Variants in TPH2 observed in about 807,000 individuals in gnomAD.
TPH2 encodes tryptophan 5-hydroxylase 2.
Under a neutral mutation model 59.1 loss-of-function variants are expected in TPH2, and 27 were observed. The observed-to-expected ratio is 0.46, with a 90% CI of 0.34 to 0.63. The LOEUF (loss-of-function observed/expected upper bound fraction) is 0.63, where lower values mean the gene tolerates loss of function less well. Among genes scored for constraint, TPH2 ranks in the 30% least tolerant of loss-of-function variants. The pLI is 0.01. For missense variants in TPH2, 523 were observed against 588.3 expected (o/e 0.89, Z 1.15); for synonymous variants, 220 against 210.5 (o/e 1.05, Z -0.39).
chr12:72,029,264 C>T (rs1873653379), intron 9 of TPH2, among the ~76,000 whole-genome samples: 2 of 152,154 alleles, frequency 1.3e-5, no homozygotes, highest in Non-Finnish European at 2.9e-5. Context: ...GTTCTTACAG[C>T]CTATTCTGCT....
chr12:71,938,928 CGCTGCTACTGCCCCTCTAGTACCCCCT>C lies in TPH2; in HGVS notation c.-53_-27del. On this transcript the variant is annotated 5_prime_UTR_variant, in exon 1 of 11. Transcript: ENST00000333850. ...GCCCCTTCCTCTCAATCTCCGCCAG[CGCTGCTACTGCCCCTCTAGTACCCCCT>C]GCTGCAGAGAAAGAATATTACACCG... is the stretch of plus-strand genomic sequence containing the variant. 5 of 1,422,484 alleles carry C rather than the reference CGCTGCTACTGCCCCTCTAGTACCCCCT, an allele frequency of 3.5e-6. No individual in the cohort carries two copies. The highest frequency in any genetic ancestry group is 5.0e-6 in the Non-Finnish European group (5 of 1,007,880). 88.1% of individuals were successfully genotyped at this position (1,422,484 alleles called of 1,614,324 possible).
intron 8 of TPH2, among the ~76,000 whole-genome samples, chr12:72,014,408 T>TC (rs1873184052): frequency 6.6e-6 from 1 of 150,910 alleles, no homozygotes; most frequent in Non-Finnish European, 1.5e-5. Flanking sequence ...TTTTTTTTTT[T>TC]GAGAAGGAGT....
rs142438135 is a variant in TPH2 at position 72,021,688 on chromosome 12, T to C, written c.1069-711T>C. Among the ~76,000 whole-genome samples the C allele has an allele frequency of 1.3e-4, 20 of 152,270 alleles. No homozygotes were observed. In the East Asian group the frequency reaches 3.9e-3, roughly 29 times the overall value. Reference sequence around the variant, plus strand: ...AACACATTTTCAACTTAGGATATTATTTTCAACTTATTGGGTTTATTGAAA... The same window carrying C: ...AACACATTTTCAACTTAGGATATTACTTTCAACTTATTGGGTTTATTGAAA... On this transcript the variant is annotated intron_variant, in intron 8 of 10. Coordinates refer to ENST00000333850, the MANE Select transcript of TPH2 (RefSeq NM_173353.4).
At position 72,031,730 on chromosome 12, in the gene TPH2, T is replaced by A; in HGVS notation, c.*35T>A. 1 of 1,612,688 alleles carries A rather than the reference T, an allele frequency of 6.2e-7. No individual in the cohort carries two copies. The highest frequency in any genetic ancestry group is 8.5e-7 in the Non-Finnish European group (1 of 1,178,908). On this transcript the variant is annotated 3_prime_UTR_variant, in exon 11 of 11. Transcript: ENST00000333850. Reference sequence around the variant, plus strand: ...CTATGTTGTTGCCAGCATGATCTTTTTGGGGCTTAGCAGCAGTTCAGTCAA... The same window carrying A: ...CTATGTTGTTGCCAGCATGATCTTTATGGGGCTTAGCAGCAGTTCAGTCAA...
At chr12:71,954,065 CA>C (rs1251684208) in intron 5 of TPH2, among the ~76,000 whole-genome samples, 3 of 152,126 alleles carry the variant, frequency 2.0e-5, no homozygotes, top group East Asian at 1.9e-4. Context: ...AAGGATAAAT[CA>C]GGGGGGAAGA....
chr12:71,978,764 A>G (rs1872190143), intron 6 of TPH2, among the ~76,000 whole-genome samples, 188 bp from the exon 7 acceptor site: 1 of 152,104 alleles, frequency 6.6e-6, no homozygotes, highest in Admixed American at 6.5e-5. Flanking sequence ...GTCATTTGAG[A>G]GTGATTTTAG....
chr12:71,977,784 A>G lies in TPH2; in HGVS notation c.806-1168A>G, dbSNP rs531824276. Reference sequence around the variant, plus strand: ...CATTGTATGTGTGTATCAAAACATAAAGTTATACACCTTAAATATATACAA... The same window carrying G: ...CATTGTATGTGTGTATCAAAACATAGAGTTATACACCTTAAATATATACAA... On this transcript the variant is annotated intron_variant, in intron 6 of 10. Coordinates refer to ENST00000333850, the MANE Select transcript of TPH2 (RefSeq NM_173353.4). Among the ~76,000 whole-genome samples the G allele has an allele frequency of 3.3e-5, 5 of 152,330 alleles. No homozygotes were observed. The East Asian group carries it at 9.6e-4, about 29-fold the overall frequency.
chr12:71,969,448 AT>A lies in TPH2; in HGVS notation c.609-3064del, dbSNP rs895057341. On this transcript the variant is annotated intron_variant, in intron 5 of 10. Coordinates refer to ENST00000333850, the MANE Select transcript of TPH2 (RefSeq NM_173353.4). ...CATTCTGATTTTCCTCATGACTATGATTTTTTTCTCAAATGTCAAATTTCAA... is the reference window on the plus strand; with the variant it reads ...CATTCTGATTTTCCTCATGACTATGATTTTTTCTCAAATGTCAAATTTCAA... 3.3e-5 allele frequency among the ~76,000 whole-genome samples: 5 copies of A among 152,092 alleles called. 1 individual carries two copies. The highest frequency in any genetic ancestry group is 2.0e-4 in the Admixed American group (3 of 15,278).
At chr12:71,993,389 T>A (rs1295786380) in intron 7 of TPH2, among the ~76,000 whole-genome samples, 2 of 152,250 alleles carry the variant, frequency 1.3e-5, no homozygotes, top group East Asian at 3.8e-4. Context: ...ATTGGTGTTT[T>A]TTTCAGTCAA....
At chr12:71,990,719 T>C (rs1283584041) in intron 7 of TPH2, among the ~76,000 whole-genome samples, 1 of 152,176 alleles carries the variant, frequency 6.6e-6, no homozygotes, top group East Asian at 1.9e-4. Context: ...TTGTTCCTGG[T>C]CTTGAAATAC....
chr12:72,001,142 C>G (rs945117357), intron 8 of TPH2, among the ~76,000 whole-genome samples: 1 of 152,174 alleles, frequency 6.6e-6, no homozygotes, highest in Non-Finnish European at 1.5e-5. Flanking sequence ...CGGCCTCTGG[C>G]CCAGTTGGAA....
intron 8 of TPH2, among the ~76,000 whole-genome samples, chr12:72,008,475 C>A (rs1014863179): frequency 1.3e-5 from 2 of 152,140 alleles, no homozygotes; most frequent in Non-Finnish European, 2.9e-5. Context: ...ATAGCTCTTA[C>A]GTTTATTTAG....
Position 72,031,823 on chromosome 12 carries a change from T to C in TPH2, c.*128T>C. 3 of 1,042,974 alleles carry C rather than the reference T, an allele frequency of 2.9e-6. No homozygotes were observed. The highest frequency in any genetic ancestry group is 4.4e-6 in the Non-Finnish European group (3 of 675,704). The allele number at this position is 1,042,974 out of a possible 1,614,324, so 64.6% of individuals were successfully genotyped here. On this transcript the variant is annotated 3_prime_UTR_variant, in exon 11 of 11. Coordinates refer to ENST00000333850, the MANE Select transcript of TPH2 (RefSeq NM_173353.4). Reference sequence around the variant, plus strand: ...ATAAGCATGCAATTCCATATATCTATACCATCTTGTAACTCACTGTGTTAG... The same window carrying C: ...ATAAGCATGCAATTCCATATATCTACACCATCTTGTAACTCACTGTGTTAG...
chr12:71,970,186 G>A (rs1871934637), intron 5 of TPH2, among the ~76,000 whole-genome samples: 1 of 152,262 alleles, frequency 6.6e-6, no homozygotes, highest in South Asian at 2.1e-4. Context: ...GGGTTAGAGT[G>A]GTATGAGAAA....
intron 7 of TPH2, among the ~76,000 whole-genome samples, chr12:71,988,300 G>C (rs1418092113): frequency 1.3e-5 from 2 of 152,120 alleles, no homozygotes; most frequent in Non-Finnish European, 2.9e-5. Context: ...GAAATGGTGG[G>C]TGTATTAGGT....
At chr12:71,961,489 A>G in intron 5 of TPH2, 1 of 1,327,314 alleles carries the variant, frequency 7.5e-7, no homozygotes, top group Middle Eastern at 2.2e-4. Context: ...TCTCTTTCAA[A>G]CAAGGTGCAA....
At chr12:71,962,058 C>T in intron 5 of TPH2, 1 of 1,020,342 alleles carries the variant, frequency 9.8e-7, no homozygotes. Context: ...CTTTACCTGA[C>T]TGGCCTAGGG....
At chr12:72,013,926 G>A (rs1873167895) in intron 8 of TPH2, among the ~76,000 whole-genome samples, 1 of 152,016 alleles carries the variant, frequency 6.6e-6, no homozygotes, top group Non-Finnish European at 1.5e-5. Context: ...GGGACTCTGA[G>A]GGGTCTTCAC....
At chr12:72,026,577 C>T (rs1873573701) in intron 9 of TPH2, among the ~76,000 whole-genome samples, 1 of 152,156 alleles carries the variant, frequency 6.6e-6, no homozygotes, top group Non-Finnish European at 1.5e-5. Flanking sequence ...GGACTCGCTG[C>T]TGCTGAGCTC....
Sources: allele counts gnomAD v4.1 joint callset (sites outside exome capture counted in the v4.1 genomes callset), GRCh38; gene constraint gnomAD v4.1.1; transcripts MANE v1.5; gene names NCBI Gene and HGNC (gene_info 2026-07-23, HGNC 2026-07-21).